LRRIQ1: variants seen among roughly 807,000 people sequenced by gnomAD.
LRRIQ1 encodes leucine-rich repeat- and IQ domain-containing protein 1.
A neutral mutation model predicts 211.9 loss-of-function variants in LRRIQ1; 210 were observed. The ratio of observed to expected loss-of-function variants is 0.99; its 90% CI spans 0.89 to 1.11. The LOEUF is 1.11. Ranked by LOEUF, LRRIQ1 falls within the 50% of genes most tolerant of loss-of-function variation. The probability of loss-of-function intolerance (pLI) is 0.00; values close to 1 mark genes in which losing one functional copy is unlikely to be tolerated. For missense variants in LRRIQ1, 2,136 were observed against 1,939.5 expected (o/e 1.10, Z -1.90); for synonymous variants, 699 against 650.1 (o/e 1.08, Z -1.14).
At chr12:85,090,398 C>G (rs1293849183) in intron 11 of LRRIQ1, among the ~76,000 whole-genome samples, 1 of 152,172 alleles carries the variant, frequency 6.6e-6, no homozygotes, top group Non-Finnish European at 1.5e-5. Flanking sequence ...CCACTGGCAG[C>G]TTGCACCTTG....
intron 10 of LRRIQ1, among the ~76,000 whole-genome samples, chr12:85,071,782 G>A (rs1883111155): frequency 6.6e-6 from 1 of 152,096 alleles, no homozygotes; most frequent in Admixed American, 6.6e-5. Flanking sequence ...GCTTGTGCAG[G>A]GGAACTCCCA....
Position 85,127,917 on chromosome 12 carries a change from G to T in LRRIQ1, c.4093G>T (p.Ala1365Ser), listed in dbSNP as rs368967936. 2 of 1,613,904 alleles carry T rather than the reference G, an allele frequency of 1.2e-6. No homozygotes were observed. The highest frequency in any genetic ancestry group is 4.5e-5 in the East Asian group (2 of 44,850). ...TTTCTCCACAAGGCTACATACTGCT[G>T]CAACAGAAGGCCTGCCAAATTCTTC... ...THFSTRLHTA[A>S]TEGLPNSSIK... is the part of the protein sequence containing the mutation. The change falls in exon 18 of 27, where the codon GCA becomes TCA. Residue 1365 changes from alanine (A) to serine (S), a missense_variant. Ala to Ser is a moderately conservative substitution (Grantham distance 99). Coordinates refer to ENST00000393217, the MANE Select transcript of LRRIQ1 (RefSeq NM_001079910.2).
At chr12:85,270,802 GA>G in the LRRIQ1 span, among the ~76,000 whole-genome samples, 1 of 152,106 alleles carries the variant, frequency 6.6e-6, no homozygotes. Context: ...TTTGATAGAA[GA>G]TAACATTGAA....
exon 2 of LRRIQ1, chr12:85,263,467 T>C (rs1394984366): frequency 6.6e-6 from 1 of 152,068 alleles, no homozygotes; most frequent in Non-Finnish European, 1.5e-5. Context: ...TAATAAACTT[T>C]ATTAGATTAT....
intron 15 of LRRIQ1, among the ~76,000 whole-genome samples, chr12:85,112,292 A>G (rs1431513954): frequency 2.0e-5 from 3 of 151,672 alleles, no homozygotes; most frequent in Non-Finnish European, 2.9e-5. Context: ...TATACCCTTG[A>G]TATTATTTCC....
intron 1 of LRRIQ1, among the ~76,000 whole-genome samples, chr12:85,250,656 A>G (rs1004226655): frequency 1.3e-5 from 2 of 148,620 alleles, no homozygotes; most frequent in Non-Finnish European, 3.0e-5. Flanking sequence ...AGGAGGATCT[A>G]TTGAGCTCAG....
In LRRIQ1 at chr12:85,059,560, A is replaced by G. The variant is rs576799265; in HGVS notation, c.2391+2376A>G. Among the ~76,000 whole-genome samples the G allele has an allele frequency of 7.2e-5, 11 of 152,104 alleles. No individual in the cohort carries two copies. The South Asian group carries it at 2.1e-3, about 29-fold the overall frequency. ...AAGATCAAAATTCAAAATTTGAAGT[A>G]TGGTTTCAACTAAATGTCTATTGAT... On this transcript the variant is annotated intron_variant, in intron 8 of 26. Coordinates refer to ENST00000393217, the MANE Select transcript of LRRIQ1 (RefSeq NM_001079910.2).
intron 24 of LRRIQ1, among the ~76,000 whole-genome samples, chr12:85,224,974 A>G (rs1206344547): frequency 1.3e-5 from 2 of 152,120 alleles, no homozygotes; most frequent in East Asian, 3.9e-4. Flanking sequence ...TTTCTATTAC[A>G]TATAATACAT....
chr12:85,117,386 A>G (rs892284093), intron 15 of LRRIQ1, among the ~76,000 whole-genome samples: 5 of 152,220 alleles, frequency 3.3e-5, no homozygotes, highest in African/African-American at 9.6e-5. Flanking sequence ...TACTGTTACT[A>G]TTTAACTAGA....
chr12:85,053,843 G>C (rs1034848288), intron 7 of LRRIQ1, among the ~76,000 whole-genome samples: 2 of 152,112 alleles, frequency 1.3e-5, no homozygotes, highest in African/African-American at 4.8e-5. Context: ...GAGTAGCTGG[G>C]ACTACAGGCG....
chr12:85,078,809 T>C (rs1196690171), intron 11 of LRRIQ1, among the ~76,000 whole-genome samples: 1 of 152,220 alleles, frequency 6.6e-6, no homozygotes, highest in African/African-American at 2.4e-5. Context: ...ATGGGTTATG[T>C]CTAGCAATAT....
At chr12:85,266,387 A>G (rs1370044467), downstream of LRRIQ1, among the ~76,000 whole-genome samples, 2 of 152,144 alleles carry the variant, frequency 1.3e-5, no homozygotes, top group Non-Finnish European at 1.5e-5. Context: ...ATATATTTGA[A>G]AGATAAAAAC....
intron 15 of LRRIQ1, among the ~76,000 whole-genome samples, chr12:85,117,367 T>G (rs765111633): frequency 2.2e-4 from 34 of 152,290 alleles, no homozygotes; most frequent in Non-Finnish European, 4.3e-4. Flanking sequence ...TATGGAAGTT[T>G]CAACAGCTTA....
chr12:85,067,353 C>G (rs1362951085), intron 10 of LRRIQ1, among the ~76,000 whole-genome samples: 3 of 151,858 alleles, frequency 2.0e-5, no homozygotes, highest in African/African-American at 4.8e-5. Context: ...ATGAAAGATT[C>G]ATCAGGCTGC....
rs773796685 is a variant in LRRIQ1, at chr12:85,072,913, C to T, written c.2702C>T (p.Ser901Phe). The change falls in exon 11 of 27, where the codon TCC becomes TTC. Residue 901 changes from serine (S) to phenylalanine (F), a missense_variant. By Grantham distance (155) the Ser-to-Phe change is radical. Coordinates refer to ENST00000393217, the MANE Select transcript of LRRIQ1 (RefSeq NM_001079910.2). ...ATTCTGTCATCCTACTCAGGATATT[C>T]CTTCTTTCTGGAAGAAAAACTTGTT... ...SYNKITRIGY[S>F]FFLEEKLVDN... 17 of 1,606,516 alleles carry T rather than the reference C, an allele frequency of 1.1e-5. No individual in the cohort carries two copies. The highest frequency in any genetic ancestry group is 4.0e-5 in the African/African-American group (3 of 74,504).
intron 24 of LRRIQ1, among the ~76,000 whole-genome samples, chr12:85,166,120 C>T (rs1326995514): frequency 1.3e-5 from 2 of 152,148 alleles, no homozygotes; most frequent in African/African-American, 4.8e-5. Context: ...TAAATTAAGT[C>T]ACTTTCCTGC....
intron 1 of LRRIQ1, among the ~76,000 whole-genome samples, chr12:85,253,416 T>C (rs903634818): frequency 2.0e-5 from 3 of 152,082 alleles, no homozygotes; most frequent in East Asian, 3.9e-4. Flanking sequence ...AAGTCCCTTA[T>C]ATATTTCAGG....
chr12:85,247,241 C>G (rs1318536873), downstream of LRRIQ1, among the ~76,000 whole-genome samples: 1 of 151,556 alleles, frequency 6.6e-6, no homozygotes, highest in African/African-American at 2.4e-5. Flanking sequence ...CTCCATGGCC[C>G]TGGGTCAACC....
At chr12:85,099,121 A>G in intron 13 of LRRIQ1, 127 bp downstream of exon 13, 1 of 490,640 alleles carries the variant, frequency 2.0e-6, no homozygotes, top group African/African-American at 2.0e-5. Context: ...ATAAATTAGT[A>G]TATAAATTAT....
Sources: allele counts gnomAD v4.1 joint callset (sites outside exome capture counted in the v4.1 genomes callset), GRCh38; gene constraint gnomAD v4.1.1; transcripts MANE v1.5; gene names NCBI Gene and HGNC (gene_info 2026-07-23, HGNC 2026-07-21).